THSD7A: variants seen among roughly 807,000 people sequenced by gnomAD.
The protein encoded by THSD7A is thrombospondin type 1 domain containing 7A, also known as thrombospondin type-1 domain-containing protein 7A.
In THSD7A, 96 loss-of-function variants were observed where a neutral mutation model predicts 231.3. That is an observed-to-expected ratio of 0.41 (90% CI 0.35 to 0.49). The LOEUF is 0.49. THSD7A is among the 20% of genes least tolerant of loss of function. The pLI is 0.05. For missense variants in THSD7A, 2,290 were observed against 2,070.2 expected, an observed-to-expected ratio of 1.11 and a Z score of -2.06; for synonymous variants, 940 against 743.3, an observed-to-expected ratio of 1.26 and a Z score of -4.30.
At chr7:11,436,720 T>C (rs924781658) in intron 13 of THSD7A, among the ~76,000 whole-genome samples, 4 of 151,508 alleles carry the variant, frequency 2.6e-5, no homozygotes, top group African/African-American at 9.7e-5. Context: ...TAGAAGAAAA[T>C]GCAAAACCAA....
At position 11,411,386 on chromosome 7, in the gene THSD7A, C is replaced by T. The variant is rs138513667; in HGVS notation, c.3683-64G>A. The T allele has an allele frequency of 9.3e-7, 1 of 1,078,644 alleles. No homozygotes were observed. Among genetic ancestry groups the T allele is most frequent in the Non-Finnish European group, 1.4e-6 (1 of 720,500 alleles). 66.8% of individuals were successfully genotyped at this position (1,078,644 alleles called of 1,614,324 possible). ...TAAGAAACAGATTTCAAATGAAACT[C>T]TGATGACCTGAATCCCATATTTAAT... On this transcript the variant is annotated intron_variant, in intron 18 of 27. Transcript: ENST00000423059. The surrounding 1 kb of genome is among the most constrained non-coding windows in gnomAD (Gnocchi z 4.1).
chr7:11,517,068 C>A (rs2128314914), intron 6 of THSD7A, among the ~76,000 whole-genome samples: 1 of 152,144 alleles, frequency 6.6e-6, no homozygotes, highest in Non-Finnish European at 1.5e-5. Context: ...CATATAAATA[C>A]TTCCATATCA....
intron 4 of THSD7A, among the ~76,000 whole-genome samples, chr7:11,543,690 A>G (rs1255732333): frequency 6.6e-6 from 1 of 152,356 alleles, no homozygotes; most frequent in East Asian, 1.9e-4. Flanking sequence ...TGTCTAAATA[A>G]TAACACATTA....
chr7:11,744,667 C>T (rs979679656), intron 1 of THSD7A, among the ~76,000 whole-genome samples: 1 of 146,772 alleles, frequency 6.8e-6, no homozygotes, highest in Non-Finnish European at 1.5e-5. Context: ...TGTTCAATTC[C>T]CACCTATGAG....
intron 1 of THSD7A, among the ~76,000 whole-genome samples, chr7:11,803,650 A>G (rs1323568112): frequency 3.9e-5 from 6 of 152,174 alleles, no homozygotes; most frequent in Admixed American, 3.3e-4. Flanking sequence ...CTACTTGGCT[A>G]TGCTAGATAA....
At chr7:11,797,207 C>T (rs575749970) in intron 1 of THSD7A, among the ~76,000 whole-genome samples, 154 of 152,176 alleles carry the variant, frequency 1.0e-3, no homozygotes, top group African/African-American at 3.4e-3. Context: ...AACAGAAATA[C>T]AAAAGTTTGC....
At chr7:11,789,953 G>C (rs760640513) in intron 1 of THSD7A, among the ~76,000 whole-genome samples, 3 of 151,870 alleles carry the variant, frequency 2.0e-5, no homozygotes, top group Non-Finnish European at 4.4e-5. Flanking sequence ...TCTGGAGAAA[G>C]TAATTTTGTG....
At chr7:11,492,133 C>T (rs774460386) in intron 6 of THSD7A, among the ~76,000 whole-genome samples, 20 of 151,990 alleles carry the variant, frequency 1.3e-4, no homozygotes, top group Admixed American at 2.6e-4. Flanking sequence ...CTTGACACAC[C>T]TTGTCTAGCA....
chr7:11,389,421 CTTTTTTTTTTTTTTTTTTTT>C (rs57755425), intron 23 of THSD7A, among the ~76,000 whole-genome samples: 156 of 37,608 alleles, frequency 4.1e-3, no homozygotes, highest in African/African-American at 7.4e-3. Flanking sequence ...GCAACTCCTG[CTTTTTTTTTTTTTTTTTTTT>C]TTTTTTTTTT....
At chr7:11,698,451 T>C (rs985781684) in intron 1 of THSD7A, among the ~76,000 whole-genome samples, 1 of 151,286 alleles carries the variant, frequency 6.6e-6, no homozygotes, top group Non-Finnish European at 1.5e-5. Flanking sequence ...CCCAAATCTA[T>C]GTAATGTTAC....
intron 1 of THSD7A, among the ~76,000 whole-genome samples, chr7:11,740,827 C>T (rs1782088014): frequency 6.6e-6 from 1 of 152,108 alleles, no homozygotes; most frequent in Non-Finnish European, 1.5e-5. Context: ...CAAACTACAT[C>T]ACTTCTGGAA....
At chr7:11,732,681 C>T (rs368235475) in intron 1 of THSD7A, among the ~76,000 whole-genome samples, 1 of 151,846 alleles carries the variant, frequency 6.6e-6, no homozygotes, top group Non-Finnish European at 1.5e-5. Context: ...TCAACTCTAT[C>T]TTATCCAGAG....
rs564890636 is a variant in THSD7A at position 11,469,042 on chromosome 7, A to G, written c.2368+837T>C. Among the ~76,000 whole-genome samples, 5 of 152,258 alleles carry G rather than the reference A, an allele frequency of 3.3e-5. No homozygotes were observed. In the South Asian group the frequency reaches 1.0e-3, roughly 32 times the overall value. ...ATTTGATTAAATTTTGACAACTTAA[A>G]ATAGTTTGTTAAGCTAGAAGTTGAC... On this transcript the variant is annotated intron_variant, in intron 9 of 27. Transcript: ENST00000423059.
chr7:11,397,518 A>C (rs1239557736), intron 23 of THSD7A, among the ~76,000 whole-genome samples: 1 of 152,236 alleles, frequency 6.6e-6, no homozygotes, highest in Non-Finnish European at 1.5e-5. Context: ...CTTCATGACT[A>C]AAACACCAAA....
At chr7:11,807,793 T>A (rs1000933321) in intron 1 of THSD7A, among the ~76,000 whole-genome samples, 1 of 152,206 alleles carries the variant, frequency 6.6e-6, no homozygotes, top group African/African-American at 2.4e-5. Flanking sequence ...AATATTTTGC[T>A]ACAACTAAAA....
At chr7:11,805,793 T>G (rs889891182) in intron 1 of THSD7A, among the ~76,000 whole-genome samples, 18 of 152,240 alleles carry the variant, frequency 1.2e-4, no homozygotes, top group African/African-American at 4.3e-4. Context: ...TATAGTTACT[T>G]ACATTCAACA....
intron 23 of THSD7A, chr7:11,384,516 T>C (rs1782652382): frequency 6.6e-6 from 1 of 151,982 alleles, no homozygotes; most frequent in Admixed American, 6.6e-5. Flanking sequence ...CTATAATTTA[T>C]TGAAAATATA....
intron 1 of THSD7A, among the ~76,000 whole-genome samples, chr7:11,768,798 A>G (rs1265971006): frequency 6.6e-6 from 1 of 151,984 alleles, no homozygotes. Context: ...TAAGAATATG[A>G]TATTTAAATT....
chr7:11,792,845 A>C lies in THSD7A; in HGVS notation c.190+38912T>G, dbSNP rs1398766801. Among the ~76,000 whole-genome samples, 5 of 151,978 alleles carry C rather than the reference A, an allele frequency of 3.3e-5. No homozygotes were observed. The Admixed American group carries it at 3.3e-4, about 10-fold the overall frequency. ...TTTCCATTGCAGCACAGAAGGAGCC[A>C]TACATAATACATAAAGAAATGGATG... On this transcript the variant is annotated intron_variant, in intron 1 of 27. Coordinates refer to ENST00000423059, the MANE Select transcript of THSD7A (RefSeq NM_015204.3).
Sources: gnomAD v4.1 joint callset for allele counts (sites outside exome capture counted in the v4.1 genomes callset) on GRCh38, gnomAD v4.1.1 for gene constraint, Gnocchi (gnomAD v3.1) non-coding constraint, MANE v1.5 for transcripts, NCBI Gene and HGNC (gene_info 2026-07-23, HGNC 2026-07-21) for gene names.